Variants in KIRREL1 observed in about 807,000 individuals in gnomAD.
The protein encoded by KIRREL1 is kirre like nephrin family adhesion molecule 1.
In KIRREL1, 25 loss-of-function variants were observed where a neutral mutation model predicts 83.3. The observed-to-expected ratio is 0.30, with a 90% CI of 0.22 to 0.42. KIRREL1 has a LOEUF of 0.42. Among genes scored for constraint, KIRREL1 ranks in the 10% least tolerant of loss-of-function variants. The probability of loss-of-function intolerance (pLI) is 1.00; values close to 1 mark genes in which losing one functional copy is unlikely to be tolerated. For synonymous variants in KIRREL1, 388 were observed against 410.4 expected, an observed-to-expected ratio of 0.95 and a Z score of 0.66; for missense variants, 812 against 1,032.3, an observed-to-expected ratio of 0.79 and a Z score of 2.92.
Position 158,094,444 on chromosome 1 carries a change from T to C in KIRREL1, c.1797+54T>C. ...GAGGGCTGGTGGGCCAGTGGGTTTCTGAGGTCCTGTAGCGGGGAGGTGAGG... is the reference window on the plus strand; with the variant it reads ...GAGGGCTGGTGGGCCAGTGGGTTTCCGAGGTCCTGTAGCGGGGAGGTGAGG... On this transcript the variant is annotated intron_variant, in intron 14 of 14. Coordinates refer to ENST00000359209, the MANE Select transcript of KIRREL1 (RefSeq NM_018240.7). This position sits in a 1 kb window ranked among gnomAD's most constrained non-coding sequence, Gnocchi z 4.6. 1 of 1,555,846 alleles carries C rather than the reference T, an allele frequency of 6.4e-7. No individual in the cohort carries two copies. Among genetic ancestry groups the C allele is most frequent in the East Asian group, 2.3e-5 (1 of 44,390 alleles).
intron 1 of KIRREL1, among the ~76,000 whole-genome samples, chr1:158,073,373 C>A (rs1661574943): frequency 6.6e-6 from 1 of 152,170 alleles, no homozygotes; most frequent in African/African-American, 2.4e-5. Context: ...TCCAGTTGTC[C>A]CTCTAATTGT....
intron 1 of KIRREL1, among the ~76,000 whole-genome samples, chr1:158,038,591 A>G (rs983065333): frequency 6.8e-6 from 1 of 146,982 alleles, no homozygotes. Context: ...CCCCCAAAAC[A>G]CTGAGATTAC....
intron 1 of KIRREL1, among the ~76,000 whole-genome samples, chr1:158,070,087 G>A (rs7367687): frequency 0.064 from 9,751 of 152,266 alleles, 326 homozygotes; most frequent in African/African-American, 0.077. Context: ...CAAGTCCTGC[G>A]TGGCTATAAA....
At chr1:158,082,854 T>C (rs1157516467) in intron 3 of KIRREL1, among the ~76,000 whole-genome samples, 1 of 152,074 alleles carries the variant, frequency 6.6e-6, no homozygotes, top group Non-Finnish European at 1.5e-5. Flanking sequence ...TAGTTTCTGA[T>C]ACTTGGGAAG....
chr1:158,080,036 G>A (rs2101629447), intron 3 of KIRREL1, among the ~76,000 whole-genome samples: 1 of 152,230 alleles, frequency 6.6e-6, no homozygotes, highest in East Asian at 1.9e-4. Context: ...CAGGAATGAG[G>A]TTAGACAGCA....
chr1:158,006,269 C>G (rs1423662937), intron 1 of KIRREL1, among the ~76,000 whole-genome samples: 1 of 152,190 alleles, frequency 6.6e-6, no homozygotes, highest in Non-Finnish European at 1.5e-5. Flanking sequence ...CATTAGTACT[C>G]TCTGCTCACT....
intron 1 of KIRREL1, among the ~76,000 whole-genome samples, chr1:158,065,660 A>G (rs61818110): frequency 1.3e-5 from 2 of 152,076 alleles, no homozygotes; most frequent in African/African-American, 2.4e-5. Context: ...GTTACCTCAT[A>G]TATAGCCCAC....
intron 1 of KIRREL1, among the ~76,000 whole-genome samples, chr1:157,997,254 A>C (rs906969647): frequency 2.0e-5 from 3 of 152,194 alleles, no homozygotes; most frequent in Admixed American, 6.5e-5. Flanking sequence ...CCTGTGCCTC[A>C]GCATGCTCTT....
intron 1 of KIRREL1, among the ~76,000 whole-genome samples, chr1:158,033,374 G>A (rs995656706): frequency 7.9e-5 from 12 of 152,094 alleles, no homozygotes; most frequent in Admixed American, 5.2e-4. Context: ...GCTAGGCCCC[G>A]ACTCACATTT....
chr1:158,045,629 T>G (rs887196325), intron 1 of KIRREL1, among the ~76,000 whole-genome samples: 1 of 152,204 alleles, frequency 6.6e-6, no homozygotes, highest in African/African-American at 2.4e-5. Context: ...CACATCAATG[T>G]GTGTACCAAC....
At chr1:158,006,602 T>C (rs1183238645) in intron 1 of KIRREL1, among the ~76,000 whole-genome samples, 1 of 152,216 alleles carries the variant, frequency 6.6e-6, no homozygotes, top group Admixed American at 6.5e-5. Context: ...CCTCCTACAG[T>C]ATCCCCAGCC....
chr1:158,022,041 C>T (rs188883470), intron 1 of KIRREL1, among the ~76,000 whole-genome samples: 20 of 147,718 alleles, frequency 1.4e-4, no homozygotes, highest in African/African-American at 4.5e-4. Context: ...TGGGTGGGTG[C>T]GGTTGGGGTG....
Position 158,088,060 on chromosome 1 carries a change from A to G in KIRREL1, c.822A>G (p.Thr274=). 6.2e-7 allele frequency: 1 copy of G among 1,614,196 alleles called. No homozygotes were observed. The highest frequency in any genetic ancestry group is 8.5e-7 in the Non-Finnish European group (1 of 1,180,038). The change falls in exon 7 of 15, where the codon ACA becomes ACG. Residue 274 remains threonine (T), a synonymous_variant. Transcript: ENST00000359209. ...IEDAHESRYE[T]NVDYSFFTEP... ...ACGCCCACGAGAGTCGCTATGAGAC[A>G]AATGTGGATTATTCCTTTTTCACGG...
At chr1:158,033,186 CT>C (rs2101674728) in intron 1 of KIRREL1, among the ~76,000 whole-genome samples, 1 of 152,348 alleles carries the variant, frequency 6.6e-6, no homozygotes, top group East Asian at 1.9e-4. Flanking sequence ...ATTCTCCTGC[CT>C]CAGCCTCCCC....
At chr1:158,084,318 AG>A in intron 3 of KIRREL1, 103 bp from the exon 4 acceptor site, 1 of 1,142,206 alleles carries the variant, frequency 8.8e-7, no homozygotes, top group Non-Finnish European at 1.2e-6. Flanking sequence ...GCCTACCTAG[AG>A]GCGCACATGC....
chr1:157,993,759 C>T, intron 1 of KIRREL1, 31 bp downstream of exon 1: 1 of 1,416,444 alleles, frequency 7.1e-7, no homozygotes, highest in Middle Eastern at 1.8e-4. Flanking sequence ...CCCGGACGCT[C>T]GGCTTCCCCC....
intron 2 of KIRREL1, 26 bp downstream of exon 2, chr1:158,076,288 A>G: frequency 6.2e-7 from 1 of 1,610,128 alleles, no homozygotes; most frequent in Non-Finnish European, 8.5e-7. Context: ...CCCAACGTCC[A>G]AACTGTCCCA....
chr1:158,077,279 TAGAA>T (rs1239705955), intron 2 of KIRREL1, among the ~76,000 whole-genome samples: 3 of 151,992 alleles, frequency 2.0e-5, no homozygotes, highest in Non-Finnish European at 4.4e-5. Flanking sequence ...CTATTGATGA[TAGAA>T]AGAGAAAGAA....
chr1:157,999,176 A>G (rs1186499906), intron 1 of KIRREL1, among the ~76,000 whole-genome samples: 2 of 152,134 alleles, frequency 1.3e-5, no homozygotes, highest in Non-Finnish European at 2.9e-5. Flanking sequence ...AGAAATTCCA[A>G]GGACACATCT....
Sources: gnomAD v4.1 joint callset for allele counts (sites outside exome capture counted in the v4.1 genomes callset) on GRCh38, gnomAD v4.1.1 for gene constraint, Gnocchi (gnomAD v3.1) non-coding constraint, MANE v1.5 for transcripts, NCBI Gene and HGNC (gene_info 2026-07-23, HGNC 2026-07-21) for gene names.